Variants in ADAMTSL1 observed in about 807,000 individuals in gnomAD.
ADAMTSL1 encodes ADAMTS-like protein 1.
A neutral mutation model predicts 201.8 loss-of-function variants in ADAMTSL1; 126 were observed. The observed-to-expected ratio is 0.62, with a 90% CI of 0.54 to 0.72. The LOEUF (loss-of-function observed/expected upper bound fraction) is 0.72. Ranked by LOEUF, ADAMTSL1 falls within the 30% of genes least tolerant of loss-of-function variation. ADAMTSL1 has a pLI of 0.00. For synonymous variants in ADAMTSL1, 1,121 were observed against 903.4 expected, an observed-to-expected ratio of 1.24 and a Z score of -4.32; for missense variants, 2,679 against 2,277.8, an observed-to-expected ratio of 1.18 and a Z score of -3.59.
exon 1 of ADAMTSL1, chr9:17,906,655 GGCCGCACTGAAGCTCCAAA>G (rs1280042604): frequency 6.6e-6 from 1 of 152,366 alleles, no homozygotes; most frequent in Admixed American, 6.5e-5. Context: ...CCCGCTCCGC[GGCCGCACTGAAGCTCCAAA>G]GCCGCGCCGC....
intron 2 of ADAMTSL1, among the ~76,000 whole-genome samples, chr9:18,319,586 G>A (rs1269937356): frequency 6.6e-6 from 1 of 152,112 alleles, no homozygotes; most frequent in Admixed American, 6.5e-5. Context: ...TATGGGGAGA[G>A]ATAAAAAGCC....
In ADAMTSL1 at chr9:18,841,894, C is replaced by G. The variant is rs367790429; in HGVS notation, c.4249+11917C>G. 2.0e-5 allele frequency among the ~76,000 whole-genome samples: 3 copies of G among 152,090 alleles called. No homozygotes were observed. The East Asian group carries it at 5.8e-4, about 29-fold the overall frequency. ...GGATCAGTGGTGATATCCCCTTTAT[C>G]ATTTTTTATTGCGTCTATTTGATTC... is the stretch of plus-strand genomic sequence containing the variant. On this transcript the variant is annotated intron_variant, in intron 23 of 28. Coordinates refer to ENST00000380548, the MANE Select transcript of ADAMTSL1 (RefSeq NM_001040272.6).
intron 16 of ADAMTSL1, among the ~76,000 whole-genome samples, chr9:18,756,305 A>G (rs1399933874): frequency 1.5e-5 from 2 of 129,882 alleles, no homozygotes; most frequent in Non-Finnish European, 3.3e-5. Context: ...AAAAAAAAAA[A>G]TCTTTGATCA....
chr9:18,121,857 C>T (rs996219634), intron 1 of ADAMTSL1, among the ~76,000 whole-genome samples: 2 of 152,118 alleles, frequency 1.3e-5, no homozygotes, highest in Non-Finnish European at 1.5e-5. Flanking sequence ...CACCCATCAC[C>T]ATTCTTAAAA....
upstream of ADAMTSL1, among the ~76,000 whole-genome samples, chr9:18,470,727 A>G (rs181809010): frequency 3.5e-4 from 54 of 152,336 alleles, no homozygotes; most frequent in Admixed American, 3.3e-3. Flanking sequence ...CTTTCCTCCC[A>G]TAAAGCACAC....
intron 2 of ADAMTSL1, among the ~76,000 whole-genome samples, chr9:18,399,326 TA>T (rs1563934830): frequency 1.5e-4 from 17 of 112,070 alleles, no homozygotes; most frequent in African/African-American, 5.7e-4. Context: ...TATATATATA[TA>T]TAAAATTATT....
chr9:18,155,841 T>C (rs935984395), intron 1 of ADAMTSL1, among the ~76,000 whole-genome samples: 5 of 151,986 alleles, frequency 3.3e-5, no homozygotes, highest in Admixed American at 6.6e-5. Context: ...AAAGAAGAGA[T>C]GCTATGAGTT....
At chr9:18,754,926 A>G (rs941183746) in intron 16 of ADAMTSL1, among the ~76,000 whole-genome samples, 2 of 152,224 alleles carry the variant, frequency 1.3e-5, no homozygotes, top group Non-Finnish European at 2.9e-5. Flanking sequence ...TCGCTCACCA[A>G]GCTGAAGTAA....
At chr9:18,570,539 T>A (rs1822230948) in intron 3 of ADAMTSL1, among the ~76,000 whole-genome samples, 1 of 152,202 alleles carries the variant, frequency 6.6e-6, no homozygotes, top group South Asian at 2.1e-4. Flanking sequence ...TCAAGGGAAA[T>A]TTGATTCATA....
intron 2 of ADAMTSL1, among the ~76,000 whole-genome samples, chr9:18,317,815 C>G (rs1834463967): frequency 1.3e-5 from 2 of 152,192 alleles, no homozygotes; most frequent in Non-Finnish European, 2.9e-5. Flanking sequence ...TTAACAGTTT[C>G]CCCTGTTAGA....
intron 1 of ADAMTSL1, among the ~76,000 whole-genome samples, chr9:18,054,162 G>A (rs1013747392): frequency 6.6e-6 from 1 of 152,146 alleles, no homozygotes; most frequent in Non-Finnish European, 1.5e-5. Context: ...TTATGTATGT[G>A]TGTGTATGTA....
chr9:18,229,091 A>G (rs910204337), intron 2 of ADAMTSL1, among the ~76,000 whole-genome samples: 9 of 152,132 alleles, frequency 5.9e-5, no homozygotes, highest in Admixed American at 5.9e-4. Flanking sequence ...GAGAAGAGGC[A>G]CTTTACAGCA....
In ADAMTSL1 at chr9:18,081,160, T is replaced by C. The variant is rs563849785; in HGVS notation, c.88-82702T>C. Among the ~76,000 whole-genome samples the C allele has an allele frequency of 6.3e-4, 96 of 152,318 alleles. 1 individual carries two copies. The highest frequency in any genetic ancestry group is 1.3e-3 in the Admixed American group (20 of 15,302). ...AGCTTTGAGTGGGGGTGGACTTTGA[T>C]AAGTCTAGTCTATCAGAATTAGTAA... On this transcript the variant is annotated intron_variant, in intron 1 of 29. Coordinates refer to the ADAMTSL1 transcript ENST00000680146.
intron 1 of ADAMTSL1, among the ~76,000 whole-genome samples, chr9:17,921,426 C>G (rs370729329): frequency 5.9e-5 from 9 of 152,160 alleles, no homozygotes; most frequent in South Asian, 2.1e-4. Context: ...CATCTTTCGC[C>G]TGTTGTTGTG....
chr9:18,551,546 ATTTT>A (rs34453171), intron 3 of ADAMTSL1, among the ~76,000 whole-genome samples: 1 of 143,844 alleles, frequency 7.0e-6, no homozygotes, highest in African/African-American at 2.5e-5. Flanking sequence ...TTACCGCTGA[ATTTT>A]TTTTTTTTTT....
At chr9:18,385,128 G>A (rs1022397272) in intron 2 of ADAMTSL1, among the ~76,000 whole-genome samples, 1 of 152,126 alleles carries the variant, frequency 6.6e-6, no homozygotes, top group Non-Finnish European at 1.5e-5. Context: ...GATGGGCAGA[G>A]GCATTTAAAT....
intron 2 of ADAMTSL1, among the ~76,000 whole-genome samples, chr9:18,261,829 C>A (rs943740729): frequency 1.3e-5 from 2 of 152,084 alleles, no homozygotes; most frequent in Non-Finnish European, 2.9e-5. Context: ...TAAATAAAAT[C>A]AAAAACGGAA....
intron 2 of ADAMTSL1, among the ~76,000 whole-genome samples, chr9:18,406,313 T>TCTTTTCTTTTCTTTTCTTTC (rs1818197966): frequency 9.5e-5 from 14 of 146,914 alleles, no homozygotes; most frequent in African/African-American, 3.6e-4. Context: ...TCTTTTCTTT[T>TCTTTTCTTTTCTTTTCTTTC]CTTTTCTTTT....
At chr9:18,156,633 CACAT>C (rs1402284552) in intron 1 of ADAMTSL1, among the ~76,000 whole-genome samples, 34 of 73,356 alleles carry the variant, frequency 4.6e-4, no homozygotes, top group African/African-American at 1.1e-3. Flanking sequence ...CAGACATAAA[CACAT>C]ACACACACAC....
Sources: gnomAD v4.1 joint callset for allele counts (sites outside exome capture counted in the v4.1 genomes callset) on GRCh38, gnomAD v4.1.1 for gene constraint, MANE v1.5 for transcripts, NCBI Gene and HGNC (gene_info 2026-07-23, HGNC 2026-07-21) for gene names.